The following DDI2 variants were observed in gnomAD, a reference collection of about 807,000 sequenced individuals.
DDI2 encodes the protein DDI proteasomal shuttling factor 2.
In DDI2, 5 loss-of-function variants were observed where a neutral mutation model predicts 48.1. The observed-to-expected ratio is 0.10, with a 90% CI of 0.05 to 0.22. The LOEUF (loss-of-function observed/expected upper bound fraction) is 0.22, where lower values mean the gene tolerates loss of function less well. Ranked by LOEUF, DDI2 falls within the 10% of genes least tolerant of loss-of-function variation. DDI2 has a pLI of 1.00. For synonymous variants in DDI2, 205 were observed against 183.6 expected (o/e 1.12, Z -0.94); for missense variants, 285 against 506.2 (o/e 0.56, Z 4.19).
rs779055774 is a variant in DDI2, at chr1:15,661,141, G to A, written c.*1351G>A. On this transcript the variant is annotated 3_prime_UTR_variant, in exon 10 of 10. Coordinates refer to ENST00000480945, the MANE Select transcript of DDI2 (RefSeq NM_032341.5). ...TCATCAGGCCATATCTGTATCAGTG[G>A]AGACAGAAAAATTAACAGGTACTTC... is the stretch of plus-strand genomic sequence containing the variant. 1.9e-6 allele frequency: 3 copies of A among 1,613,880 alleles called. No homozygotes were observed. The African/African-American group carries it at 4.0e-5, about 22-fold the overall frequency.
intron 5 of DDI2, among the ~76,000 whole-genome samples, chr1:15,641,472 C>CAA (rs112153393): frequency 7.4e-4 from 98 of 131,970 alleles, no homozygotes; most frequent in African/African-American, 2.6e-3. Flanking sequence ...ACTGTGTTTC[C>CAA]AAAAAAAAAA....
At chr1:15,633,608 G>C (rs372521898) in intron 4 of DDI2, 43 bp downstream of exon 4, 1 of 1,599,414 alleles carries the variant, frequency 6.3e-7, no homozygotes, top group African/African-American at 1.3e-5. Flanking sequence ...AGAGACTCCA[G>C]ATTTCCCAGA....
chr1:15,660,290 A>G lies in DDI2; in HGVS notation c.*500A>G, dbSNP rs1206162587. 2.5e-6 allele frequency: 4 copies of G among 1,614,100 alleles called. No individual in the cohort carries two copies. The highest frequency in any genetic ancestry group is 2.2e-5 in the South Asian group (2 of 91,094). On this transcript the variant is annotated 3_prime_UTR_variant, in exon 10 of 10. Transcript: ENST00000480945. ...TTATCTGTCACATCTACTAGGATGC[A>G]TGAACCACAGATGTTTCTAGGTGAA...
In DDI2 at chr1:15,661,965, T is replaced by G; in HGVS notation, c.*2175T>G. ...CCTTTTTAAATGTATTGGCAGTATG[T>G]GCATACAGAAGCTTTTTATTCTCAT... On this transcript the variant is annotated 3_prime_UTR_variant, in exon 10 of 10. Transcript: ENST00000480945. The G allele has an allele frequency of 2.3e-6, 1 of 432,574 alleles. No homozygotes were observed. 26.8% of individuals were successfully genotyped at this position (432,574 alleles called of 1,614,324 possible). A position where few individuals can be genotyped will look rare whatever the true frequency, so the allele number is the denominator to read the frequency against.
intron 3 of DDI2, among the ~76,000 whole-genome samples, chr1:15,632,285 T>C (rs769594284): frequency 2.0e-5 from 3 of 151,966 alleles, no homozygotes; most frequent in African/African-American, 7.3e-5. Context: ...ATTTAAGAAA[T>C]TGCAAAATAG....
intron 6 of DDI2, among the ~76,000 whole-genome samples, chr1:15,646,202 C>T (rs939933066): frequency 2.6e-5 from 4 of 152,228 alleles, no homozygotes; most frequent in Admixed American, 6.5e-5. Flanking sequence ...CCTCTGCGGC[C>T]TTCCCGCCAG....
chr1:15,634,819 A>C (rs889485968), intron 4 of DDI2, among the ~76,000 whole-genome samples: 1 of 152,100 alleles, frequency 6.6e-6, no homozygotes, highest in African/African-American at 2.4e-5. Context: ...GGGATGAGCC[A>C]CTGCACTTAG....
rs754116796 is a variant in DDI2, at chr1:15,661,605, C to CA, written c.*1816dup. 1.9e-6 allele frequency: 3 copies of CA among 1,614,040 alleles called. No individual in the cohort carries two copies. The highest frequency in any genetic ancestry group is 2.5e-6 in the Non-Finnish European group (3 of 1,180,042). ...TTTTTCCTGCCACAGATATTGACCG[C>CA]ATTCTCCGTGCTGGCTTTACTTTGC... On this transcript the variant is annotated 3_prime_UTR_variant, in exon 10 of 10. Transcript: ENST00000480945.
intron 1 of DDI2, among the ~76,000 whole-genome samples, chr1:15,624,716 C>T (rs1484559628): frequency 6.6e-6 from 1 of 152,070 alleles, no homozygotes; most frequent in Non-Finnish European, 1.5e-5. Context: ...CCCATTTGTG[C>T]TTAGCCTTCC....
rs1050613051 is a variant in DDI2, at chr1:15,617,493, T to G, written c.-178T>G. ...GCAGGCGTGTGGCGGCGGCCGTGCTTGCTAGTGAGGGCGGGAGGGAGTGAC... is the reference window on the plus strand; with the variant it reads ...GCAGGCGTGTGGCGGCGGCCGTGCTGGCTAGTGAGGGCGGGAGGGAGTGAC... On this transcript the variant is annotated 5_prime_UTR_variant, in exon 1 of 10. Transcript: ENST00000480945. The G allele has an allele frequency of 5.0e-6, 2 of 399,180 alleles. No individual in the cohort carries two copies. Among genetic ancestry groups the G allele is most frequent in the African/African-American group, 4.2e-5 (2 of 47,790 alleles). The allele number at this position is 399,180 out of a possible 1,614,324, so 24.7% of individuals were successfully genotyped here.
Position 15,651,835 on chromosome 1 carries a change from C to T in DDI2, c.1123C>T (p.Pro375Ser). The T allele has an allele frequency of 6.2e-7, 1 of 1,613,912 alleles. No individual in the cohort carries two copies. The highest frequency in any genetic ancestry group is 8.5e-7 in the Non-Finnish European group (1 of 1,179,936). Reference sequence around the variant, plus strand: ...TGGGGCTGGAAGAGAGGATGTACGGCCAGAGGAGATTGCAGACCAAGAATT... The same window carrying T: ...TGGGGCTGGAAGAGAGGATGTACGGTCAGAGGAGATTGCAGACCAAGAATT... The part of the protein sequence containing the change: ...AYGAGREDVR[P>S]EEIADQELAE... The change falls in exon 8 of 10, where the codon CCA becomes TCA. Residue 375 changes from proline to serine, a missense_variant. Transcript: ENST00000480945.
At chr1:15,637,712 C>T (rs1639950508) in intron 4 of DDI2, among the ~76,000 whole-genome samples, 1 of 152,192 alleles carries the variant, frequency 6.6e-6, no homozygotes, top group Non-Finnish European at 1.5e-5. Flanking sequence ...ATCAAATGAA[C>T]TATGAAACAC....
rs139412276 is a variant in DDI2 at position 15,660,626 on chromosome 1, C to T, written c.*836C>T. 1.2e-6 allele frequency: 2 copies of T among 1,614,192 alleles called. No individual in the cohort carries two copies. The highest frequency in any genetic ancestry group is 1.1e-5 in the South Asian group (1 of 91,064). Reference sequence around the variant, plus strand: ...TCAGAAACATTTATGGAAATCGATACAGCTCAACAGTCCCTAGTTACTTTG... The same window carrying T: ...TCAGAAACATTTATGGAAATCGATATAGCTCAACAGTCCCTAGTTACTTTG... On this transcript the variant is annotated 3_prime_UTR_variant, in exon 10 of 10. Transcript: ENST00000480945.
chr1:15,661,880 C>G lies in DDI2; in HGVS notation c.*2090C>G. 9.4e-7 allele frequency: 1 copy of G among 1,065,620 alleles called. No homozygotes were observed. Among genetic ancestry groups the G allele is most frequent in the East Asian group, 2.9e-5 (1 of 34,962 alleles). 66.0% of individuals were successfully genotyped at this position (1,065,620 alleles called of 1,614,324 possible). On this transcript the variant is annotated 3_prime_UTR_variant, in exon 10 of 10. Coordinates refer to ENST00000480945, the MANE Select transcript of DDI2 (RefSeq NM_032341.5). Reference sequence around the variant, plus strand: ...ATTTTTTTTAAAGATTTTTTTCGGCCAAAGTAATTTATGATCTTTTGTCTG... The same window carrying G: ...ATTTTTTTTAAAGATTTTTTTCGGCGAAAGTAATTTATGATCTTTTGTCTG...
Position 15,661,725 on chromosome 1 carries a change from G to A in DDI2, c.*1935G>A. 1 of 1,600,690 alleles carries A rather than the reference G, an allele frequency of 6.2e-7. No individual in the cohort carries two copies. The highest frequency in any genetic ancestry group is 8.5e-7 in the Non-Finnish European group (1 of 1,172,354). On this transcript the variant is annotated 3_prime_UTR_variant, in exon 10 of 10. Coordinates refer to ENST00000480945, the MANE Select transcript of DDI2 (RefSeq NM_032341.5). Reference sequence around the variant, plus strand: ...AAAACATCGTAGTTCCTACATGACTGTGGGAAAGTGGGCTAGACCGTTCTC... The same window carrying A: ...AAAACATCGTAGTTCCTACATGACTATGGGAAAGTGGGCTAGACCGTTCTC...
chr1:15,624,169 T>C (rs749005152), intron 1 of DDI2, among the ~76,000 whole-genome samples: 2 of 152,182 alleles, frequency 1.3e-5, no homozygotes, highest in Non-Finnish European at 2.9e-5. Context: ...AAAGAGTAGG[T>C]TGTTGACAGT....
At chr1:15,647,881 T>C (rs750193523) in intron 6 of DDI2, among the ~76,000 whole-genome samples, 1 of 152,166 alleles carries the variant, frequency 6.6e-6, no homozygotes, top group Non-Finnish European at 1.5e-5. Flanking sequence ...AGAGGATCAC[T>C]TGAACCCGGG....
chr1:15,626,864 C>CA, intron 2 of DDI2, 66 bp downstream of exon 2: 1 of 1,599,798 alleles, frequency 6.3e-7, no homozygotes, highest in South Asian at 1.1e-5. Context: ...CATAGCACCT[C>CA]AGAGTTTTGG....
At position 15,649,783 on chromosome 1, in the gene DDI2, T is replaced by C; in HGVS notation, c.953T>C (p.Met318Thr). 1 of 1,613,688 alleles carries C rather than the reference T, an allele frequency of 6.2e-7. No individual in the cohort carries two copies. The highest frequency in any genetic ancestry group is 8.5e-7 in the Non-Finnish European group (1 of 1,179,800). ...CSFSILEEQPMDMLLGLDMLK... is the reference protein window; with the variant it reads ...CSFSILEEQPTDMLLGLDMLK... Reference sequence around the variant, plus strand: ...TTCTCTATACTTGAGGAACAGCCCATGGACATGCTTCTGGGACTGGACATG... The same window carrying C: ...TTCTCTATACTTGAGGAACAGCCCACGGACATGCTTCTGGGACTGGACATG... The change falls in exon 7 of 10, where the codon ATG becomes ACG. Residue 318 changes from methionine to threonine, a missense_variant. Physicochemically the swap from Met to Thr is moderately conservative, Grantham distance 81. Transcript: ENST00000480945.
Sources: allele counts gnomAD v4.1 joint callset (sites outside exome capture counted in the v4.1 genomes callset), GRCh38; gene constraint gnomAD v4.1.1; transcripts MANE v1.5; gene names NCBI Gene and HGNC (gene_info 2026-07-23, HGNC 2026-07-21).